Variants in FNDC8 observed in about 807,000 individuals in gnomAD.
FNDC8 encodes the protein fibronectin type III domain-containing protein 8.
Under a neutral mutation model 24.8 loss-of-function variants are expected in FNDC8, and 23 were observed. That is an observed-to-expected ratio of 0.93 (90% CI 0.67 to 1.31). The LOEUF (loss-of-function observed/expected upper bound fraction) is 1.31, where lower values mean the gene tolerates loss of function less well. Among genes scored for constraint, FNDC8 ranks in the 40% most tolerant of loss-of-function variants. FNDC8 has a pLI of 0.00. For synonymous variants in FNDC8, 158 were observed against 165.3 expected (o/e 0.96, Z 0.34); for missense variants, 371 against 398.2 (o/e 0.93, Z 0.58).
At position 35,127,408 on chromosome 17, in the gene FNDC8, C is replaced by T. The variant is rs1269189627; in HGVS notation, c.576C>T (p.Ser192=). The change falls in exon 2 of 4, where the codon TCC becomes TCT. Residue 192 remains serine, a synonymous_variant. Transcript: ENST00000158009. ...TCTTTGAGCACACCGTCAACAATTC[C>T]ACAGCTGTGGTGCGTTTCCCTTGCT... The part of the protein sequence containing the change: ...PFIFEHTVNN[S]TAVISWTYAL... The T allele has an allele frequency of 6.4e-7, 1 of 1,550,830 alleles. No homozygotes were observed. Among genetic ancestry groups the T allele is most frequent in the Admixed American group, 2.0e-5 (1 of 51,198 alleles).
intron 2 of FNDC8, 188 bp from the exon 3 acceptor site, chr17:35,129,231 AGAG>A: frequency 1.4e-6 from 1 of 698,806 alleles, no homozygotes; most frequent in South Asian, 1.8e-5. Flanking sequence ...GCTGCCCAGG[AGAG>A]TAGTACATGC....
chr17:35,123,789 G>GC (rs1411392825), intron 1 of FNDC8, among the ~76,000 whole-genome samples: 1 of 151,902 alleles, frequency 6.6e-6, no homozygotes, highest in Non-Finnish European at 1.5e-5. Flanking sequence ...GGGACCCTCA[G>GC]CCCCTTGTTT....
intron 1 of FNDC8, 46 bp from the exon 2 acceptor site, chr17:35,126,996 G>A (rs1397058437): frequency 1.3e-6 from 2 of 1,535,356 alleles, no homozygotes; most frequent in East Asian, 4.5e-5. Flanking sequence ...GAACGGGCTG[G>A]GGTGGCCTCC....
At position 35,130,275 on chromosome 17, in the gene FNDC8, A is replaced by G. The variant is rs766211635; in HGVS notation, c.823-7A>G. 5.6e-6 allele frequency: 9 copies of G among 1,612,836 alleles called. No individual in the cohort carries two copies. The highest frequency in any genetic ancestry group is 6.8e-6 in the Non-Finnish European group (8 of 1,179,422). On this transcript the variant is annotated splice_polypyrimidine_tract_variant and splice_region_variant and intron_variant, in intron 3 of 3. Coordinates refer to ENST00000158009, the MANE Select transcript of FNDC8 (RefSeq NM_017559.4). ...GAACTCTGAAGGGTTTTCTTGTTTC[A>G]CTTCAGTTTGCAACCCTGGCCACTG...
intron 1 of FNDC8, among the ~76,000 whole-genome samples, chr17:35,124,353 C>A (rs545568939): frequency 6.6e-6 from 1 of 152,200 alleles, no homozygotes; most frequent in Non-Finnish European, 1.5e-5. Flanking sequence ...CATGGTGAAA[C>A]CCCTTCTCTA....
intron 1 of FNDC8, 145 bp from the exon 2 acceptor site, chr17:35,126,897 G>GC: frequency 1.0e-6 from 1 of 965,054 alleles, no homozygotes; most frequent in Non-Finnish European, 1.5e-6. Flanking sequence ...TGAGTCTAAT[G>GC]CAATGCTATA....
chr17:35,127,848 C>CT (rs1262248953), intron 2 of FNDC8, among the ~76,000 whole-genome samples: 1 of 152,058 alleles, frequency 6.6e-6, no homozygotes, highest in African/African-American at 2.4e-5. Context: ...GTGAGAAGCC[C>CT]TGGATGAGGA....
Position 35,130,525 on chromosome 17 carries a change from C to A in FNDC8, c.*91C>A, listed in dbSNP as rs926054769. 1.5e-6 allele frequency: 2 copies of A among 1,371,412 alleles called. No individual in the cohort carries two copies. The highest frequency in any genetic ancestry group is 2.0e-6 in the Non-Finnish European group (2 of 1,000,770). The allele number at this position is 1,371,412 out of a possible 1,614,324, so 85.0% of individuals were successfully genotyped here. The stretch of plus-strand genomic sequence containing the variant: ...GCCATGAGACCTACCATACCACCAG[C>A]ACCCTGCGGGCCCGGGGTCTGGCAG... On this transcript the variant is annotated 3_prime_UTR_variant, in exon 4 of 4. Coordinates refer to ENST00000158009, the MANE Select transcript of FNDC8 (RefSeq NM_017559.4).
intron 3 of FNDC8, chr17:35,130,038 G>T: frequency 7.2e-7 from 1 of 1,397,414 alleles, no homozygotes; most frequent in Non-Finnish European, 9.3e-7. Context: ...TGGGTATGGG[G>T]TAGGGGTATG....
rs1263601225 is a variant in FNDC8, at chr17:35,129,870, T to C, written c.822+212T>C. On this transcript the variant is annotated intron_variant, in intron 3 of 3. Transcript: ENST00000158009. ...GGGGCCCACTAGGAATGCAAACGAA[T>C]GTATTTTTCAACATCACTATAATGT... 30 of 1,417,784 alleles carry C rather than the reference T, an allele frequency of 2.1e-5. 1 individual carries two copies. The East Asian group carries it at 7.7e-4, about 36-fold the overall frequency. 87.8% of individuals were successfully genotyped at this position (1,417,784 alleles called of 1,614,324 possible).
intron 2 of FNDC8, 165 bp from the exon 3 acceptor site, chr17:35,129,257 G>T: frequency 1.2e-6 from 1 of 842,582 alleles, no homozygotes; most frequent in South Asian, 1.6e-5. Context: ...CGGGGCAGGG[G>T]TTCCACACTC....
In FNDC8 at chr17:35,130,324, T is replaced by C. The variant is rs2091869130; in HGVS notation, c.865T>C (p.Tyr289His). 6.2e-7 allele frequency: 1 copy of C among 1,614,086 alleles called. No homozygotes were observed. Among genetic ancestry groups the C allele is most frequent in the Non-Finnish European group, 8.5e-7 (1 of 1,179,982 alleles). The change falls in exon 4 of 4, where the codon TAC becomes CAC. Residue 289 changes from tyrosine to histidine, a missense_variant. Coordinates refer to ENST00000158009, the MANE Select transcript of FNDC8 (RefSeq NM_017559.4). ...ATDFSSFPEN[Y>H]PIQITVRRKE... ...TGACTTCAGCAGCTTTCCTGAGAAC[T>C]ACCCCATCCAGATCACCGTGCGGCG...
chr17:35,127,110 C>T lies in FNDC8; in HGVS notation c.278C>T (p.Thr93Ile), dbSNP rs368744381. The stretch of plus-strand genomic sequence containing the variant: ...ACCAGCATCTCTGCCTTCTCATCCA[C>T]CTTGCTGAACCCCATCAAATTAGCT... Reference protein sequence around the residue: ...DETSISAFSSTLLNPIKLAVT... With the variant: ...DETSISAFSSILLNPIKLAVT... Residue 93 changes from threonine to isoleucine, a missense_variant, in exon 2 of 4, where the codon ACC becomes ATC. Transcript: ENST00000158009. 4 of 1,614,146 alleles carry T rather than the reference C, an allele frequency of 2.5e-6. No homozygotes were observed. Among genetic ancestry groups the T allele is most frequent in the South Asian group, 1.1e-5 (1 of 91,080 alleles).
Position 35,127,422 on chromosome 17 carries a change from G to A in FNDC8, c.585+5G>A, listed in dbSNP as rs780190543. On this transcript the variant is annotated splice_donor_5th_base_variant and intron_variant, in intron 2 of 3. Coordinates refer to ENST00000158009, the MANE Select transcript of FNDC8 (RefSeq NM_017559.4). Reference sequence around the variant, plus strand: ...GTCAACAATTCCACAGCTGTGGTGCGTTTCCCTTGCTCATGCGTTCAGCAG... The same window carrying A: ...GTCAACAATTCCACAGCTGTGGTGCATTTCCCTTGCTCATGCGTTCAGCAG... 18 of 1,535,384 alleles carry A rather than the reference G, an allele frequency of 1.2e-5. No homozygotes were observed. The highest frequency in any genetic ancestry group is 4.1e-5 in the Admixed American group (2 of 49,038).
chr17:35,121,657 TCC>T lies in FNDC8; in HGVS notation c.-36_-35del. The T allele has an allele frequency of 6.2e-7, 1 of 1,604,862 alleles. No individual in the cohort carries two copies. ...TCTCTGCTTCTGGTCAGCTGGGTTG[TCC>T]TGCATGGTGACGGGTGTCATCCCGA... is the stretch of plus-strand genomic sequence containing the variant. On this transcript the variant is annotated 5_prime_UTR_variant, in exon 1 of 4. Coordinates refer to ENST00000158009, the MANE Select transcript of FNDC8 (RefSeq NM_017559.4).
chr17:35,124,846 G>A (rs548097345), intron 1 of FNDC8, among the ~76,000 whole-genome samples: 8 of 152,070 alleles, frequency 5.3e-5, no homozygotes, highest in Admixed American at 3.3e-4. Flanking sequence ...TCAGGAGTTC[G>A]AGACCAGCCT....
At chr17:35,129,993 C>G (rs1433290777) in intron 3 of FNDC8, 14 of 1,372,558 alleles carry the variant, frequency 1.0e-5, no homozygotes, top group Non-Finnish European at 1.3e-5. Context: ...ATAGGGAAGA[C>G]AAGAGGCTAA....
At chr17:35,128,070 C>T (rs946285622) in intron 2 of FNDC8, among the ~76,000 whole-genome samples, 2 of 152,238 alleles carry the variant, frequency 1.3e-5, no homozygotes, top group African/African-American at 2.4e-5. Context: ...CTTCCAGAGT[C>T]CTCCAGTGTT....
intron 1 of FNDC8, among the ~76,000 whole-genome samples, chr17:35,126,254 G>A (rs1023052006): frequency 7.2e-5 from 11 of 151,956 alleles, no homozygotes; most frequent in South Asian, 2.1e-4. Context: ...TTAATTTTAC[G>A]TGCTAGATAT....
Sources: gnomAD v4.1 joint callset for allele counts (sites outside exome capture counted in the v4.1 genomes callset) on GRCh38, gnomAD v4.1.1 for gene constraint, MANE v1.5 for transcripts, NCBI Gene and HGNC (gene_info 2026-07-23, HGNC 2026-07-21) for gene names.